The following COL4A4 variants were observed in gnomAD, a reference collection of about 807,000 sequenced individuals.
COL4A4 encodes collagen alpha-4(IV) chain.
In COL4A4, 105 loss-of-function variants were observed where a neutral mutation model predicts 192.9. That is an observed-to-expected ratio of 0.54 (90% CI 0.46 to 0.64). The LOEUF is 0.64. Among genes scored for constraint, COL4A4 ranks in the 30% least tolerant of loss-of-function variants. The pLI is 0.00. For missense variants in COL4A4, 1,967 were observed against 2,169.3 expected (o/e 0.91, Z 1.85); for synonymous variants, 762 against 769.9 (o/e 0.99, Z 0.17).
chr2:227,089,588 C>T (rs1019068693), intron 21 of COL4A4, among the ~76,000 whole-genome samples: 12 of 102,224 alleles, frequency 1.2e-4, no homozygotes, highest in South Asian at 3.7e-4. Flanking sequence ...GCAAATGTTC[C>T]ATATATATAT....
At chr2:227,159,457 T>C (rs113537291) in intron 1 of COL4A4, among the ~76,000 whole-genome samples, 8 of 152,354 alleles carry the variant, frequency 5.3e-5, no homozygotes, top group African/African-American at 1.9e-4. Context: ...TTTAAGTGGA[T>C]GCAATTTATG....
Position 227,121,153 on chromosome 2 carries a change from G to A in COL4A4, c.193-5C>T. ...CCCTGGTGGTCCTGGTGGACCCTGAGAAGGAAGATTAAAAAGAAATGGGGG... is the reference window on the plus strand; with the variant it reads ...CCCTGGTGGTCCTGGTGGACCCTGAAAAGGAAGATTAAAAAGAAATGGGGG... On this transcript the variant is annotated splice_polypyrimidine_tract_variant and splice_region_variant and intron_variant, in intron 4 of 47. Transcript: ENST00000396625. 1 of 1,613,906 alleles carries A rather than the reference G, an allele frequency of 6.2e-7. No homozygotes were observed. Among genetic ancestry groups the A allele is most frequent in the Non-Finnish European group, 8.5e-7 (1 of 1,179,910 alleles).
rs143001686 is a variant in COL4A4 at position 227,143,707 on chromosome 2, G to A, written c.114+809C>T. Among the ~76,000 whole-genome samples, 200 of 152,254 alleles carry A rather than the reference G, an allele frequency of 1.3e-3. 1 individual carries two copies. Among genetic ancestry groups the A allele is most frequent in the African/African-American group, 4.4e-3 (184 of 41,544 alleles). ...ATACACATGTATATATCATAGTATT[G>A]TTTCCACTCATTATTTCAGGTGATA... On this transcript the variant is annotated intron_variant, in intron 3 of 47. Coordinates refer to ENST00000396625, the MANE Select transcript of COL4A4 (RefSeq NM_000092.5).
At chr2:227,052,830 G>A (rs187166103) in intron 31 of COL4A4, among the ~76,000 whole-genome samples, 1 of 152,262 alleles carries the variant, frequency 6.6e-6, no homozygotes, top group African/African-American at 2.4e-5. Flanking sequence ...TAAAAGAACA[G>A]ACACTTATCT....
intron 46 of COL4A4, among the ~76,000 whole-genome samples, chr2:227,009,218 C>T (rs1365548991): frequency 6.6e-6 from 1 of 152,176 alleles, no homozygotes; most frequent in Non-Finnish European, 1.5e-5. Context: ...TTTGACTACC[C>T]TTTTTAACAG....
At chr2:227,012,368 C>T (rs1366033468) in intron 44 of COL4A4, 71 bp from the exon 45 acceptor site, 19 of 1,221,904 alleles carry the variant, frequency 1.6e-5, no homozygotes, top group East Asian at 4.7e-5. Context: ...GTGCTTATAC[C>T]GTATGCCAGC....
At chr2:227,116,933 A>G (rs2061521093) in intron 7 of COL4A4, among the ~76,000 whole-genome samples, 1 of 152,140 alleles carries the variant, frequency 6.6e-6, no homozygotes, top group Admixed American at 6.5e-5. Context: ...TGTTGAAACT[A>G]CTCTTGATAA....
At chr2:227,103,915 G>T in intron 13 of COL4A4, 57 bp downstream of exon 13, 1 of 1,372,936 alleles carries the variant, frequency 7.3e-7, no homozygotes, top group Non-Finnish European at 1.0e-6. Flanking sequence ...ACAGATCCAT[G>T]TCAAAAAATA....
chr2:227,015,480 G>T (rs1964678096), intron 44 of COL4A4, among the ~76,000 whole-genome samples: 1 of 152,110 alleles, frequency 6.6e-6, no homozygotes. Flanking sequence ...GATGGTTCAT[G>T]AAGCTCGAGA....
intron 8 of COL4A4, 130 bp downstream of exon 8, chr2:227,114,498 G>A: frequency 1.3e-6 from 1 of 790,500 alleles, no homozygotes; most frequent in Non-Finnish European, 2.3e-6. Flanking sequence ...CATCCCTGAG[G>A]GTCAGGGTAA....
chr2:226,997,901 A>G (rs946465273), downstream of COL4A4: 2 of 152,224 alleles, frequency 1.3e-5, no homozygotes, highest in Non-Finnish European at 2.9e-5. Flanking sequence ...TGGAATGTCC[A>G]TTTTATTTTA....
intron 37 of COL4A4, among the ~76,000 whole-genome samples, chr2:227,041,848 G>GAAAGAGAGAGAGAGAGAGAA (rs1243663359): frequency 3.9e-4 from 15 of 38,732 alleles, no homozygotes; most frequent in South Asian, 9.4e-4. Context: ...AAGAAAGAAA[G>GAAAGAGAGAGAGAGAGAGAA]AGAAAGAAAG....
chr2:227,072,192 A>G (rs1483165415), intron 25 of COL4A4, among the ~76,000 whole-genome samples: 1 of 152,060 alleles, frequency 6.6e-6, no homozygotes, highest in African/African-American at 2.4e-5. Flanking sequence ...AGATCCAAAT[A>G]AGCTCAATTA....
intron 32 of COL4A4, 117 bp downstream of exon 32, chr2:227,052,188 T>G: frequency 1.5e-6 from 1 of 687,874 alleles, no homozygotes; most frequent in Non-Finnish European, 2.6e-6. Context: ...CAAAACTCCA[T>G]CTCAAAAAAA....
chr2:227,154,194 C>A (rs531333221), intron 1 of COL4A4, among the ~76,000 whole-genome samples: 39 of 152,290 alleles, frequency 2.6e-4, no homozygotes, highest in Admixed American at 1.8e-3. Flanking sequence ...GCTTTTTTCT[C>A]CCCCCTTCAC....
At chr2:227,054,909 C>G (rs1000563335) in intron 30 of COL4A4, among the ~76,000 whole-genome samples, 172 bp from the exon 31 acceptor site, 1 of 152,194 alleles carries the variant, frequency 6.6e-6, no homozygotes. Flanking sequence ...CCTTCCTCAG[C>G]CTCCCGAGTA....
chr2:227,014,762 G>A (rs963407440), intron 44 of COL4A4, among the ~76,000 whole-genome samples: 6 of 152,096 alleles, frequency 3.9e-5, no homozygotes, highest in African/African-American at 1.2e-4. Flanking sequence ...CCTGGCTGGA[G>A]TGGAGTGGCA....
Position 227,031,230 on chromosome 2 carries a change from C to T in COL4A4, c.3818-632G>A, listed in dbSNP as rs911247856. 1.1e-4 allele frequency among the ~76,000 whole-genome samples: 16 copies of T among 152,290 alleles called. No individual in the cohort carries two copies. In the South Asian group the frequency reaches 1.7e-3, roughly 16 times the overall value. On this transcript the variant is annotated intron_variant, in intron 40 of 47. Coordinates refer to ENST00000396625, the MANE Select transcript of COL4A4 (RefSeq NM_000092.5). The stretch of plus-strand genomic sequence containing the variant: ...CCTACTTAGCTTCTGTACTTCTTAG[C>T]GCACTTTTGAGAGCTTTATTATTTT...
At chr2:226,993,145 GC>G in the COL4A4 span, among the ~76,000 whole-genome samples, 3 of 152,164 alleles carry the variant, frequency 2.0e-5, no homozygotes, top group East Asian at 5.8e-4. Flanking sequence ...TTCCTAGTCT[GC>G]CCCTTCTAAT....
Sources: gnomAD v4.1 joint callset for allele counts (sites outside exome capture counted in the v4.1 genomes callset) on GRCh38, gnomAD v4.1.1 for gene constraint, MANE v1.5 for transcripts, NCBI Gene and HGNC (gene_info 2026-07-23, HGNC 2026-07-21) for gene names.